TBCA: variants seen among roughly 807,000 people sequenced by gnomAD.
The protein encoded by TBCA is tubulin-specific chaperone A.
Under a neutral mutation model 15.8 loss-of-function variants are expected in TBCA, and 6 were observed. The observed-to-expected ratio is 0.38, with a 90% CI of 0.21 to 0.75. The LOEUF (loss-of-function observed/expected upper bound fraction) is 0.75, where lower values mean the gene tolerates loss of function less well. TBCA is among the 30% of genes least tolerant of loss of function. TBCA has a pLI of 0.46. For synonymous variants in TBCA, 32 were observed against 42.3 expected, an observed-to-expected ratio of 0.76 and a Z score of 0.94; for missense variants, 90 against 131.2, an observed-to-expected ratio of 0.69 and a Z score of 1.53.
At position 77,749,068 on chromosome 5, in the gene TBCA, G is replaced by A. The variant is rs141288062; in HGVS notation, c.53+27137C>T. Among the ~76,000 whole-genome samples, 937 of 152,188 alleles carry A rather than the reference G, an allele frequency of 6.2e-3. 4 individuals carry two copies. Among genetic ancestry groups the A allele is most frequent in the Non-Finnish European group, 8.4e-3 (568 of 67,996 alleles). ...GTCATGACTTTTCTCTGCTTCTTTG[G>A]GGCACTTTCAGCACCACTAGTGGGT... On this transcript the variant is annotated intron_variant, in intron 1 of 3. Transcript: ENST00000380377.
intron 1 of TBCA, among the ~76,000 whole-genome samples, chr5:77,721,561 T>C: frequency 6.6e-6 from 1 of 152,118 alleles, no homozygotes; most frequent in Non-Finnish European, 1.5e-5. Flanking sequence ...ATACACTGAT[T>C]TGGTATATGT....
At chr5:77,748,642 C>T (rs971070544) in intron 1 of TBCA, among the ~76,000 whole-genome samples, 1 of 152,080 alleles carries the variant, frequency 6.6e-6, no homozygotes, top group Non-Finnish European at 1.5e-5. Flanking sequence ...TTGGGCATTG[C>T]CACTTCTTGT....
chr5:77,749,448 T>A (rs995207653), intron 1 of TBCA, among the ~76,000 whole-genome samples: 9 of 152,282 alleles, frequency 5.9e-5, no homozygotes, highest in Admixed American at 4.6e-4. Context: ...TATTTTATGG[T>A]AGCAAATGAT....
At chr5:77,749,174 T>C (rs1747257384) in intron 1 of TBCA, among the ~76,000 whole-genome samples, 1 of 152,210 alleles carries the variant, frequency 6.6e-6, no homozygotes, top group Admixed American at 6.5e-5. Flanking sequence ...CCGCGAGAGA[T>C]CACTTTTTAA....
chr5:77,767,363 A>G (rs1275989724), intron 1 of TBCA, among the ~76,000 whole-genome samples: 1 of 152,172 alleles, frequency 6.6e-6, no homozygotes, highest in East Asian at 1.9e-4. Flanking sequence ...ACAACAGAGA[A>G]CTCAGTTAAA....
chr5:77,701,917 C>A (rs1329111871), intron 2 of TBCA, among the ~76,000 whole-genome samples: 1 of 151,554 alleles, frequency 6.6e-6, no homozygotes, highest in African/African-American at 2.4e-5. Flanking sequence ...GACTATTAGT[C>A]TAAGTGATGT....
At chr5:77,770,908 G>T (rs572503284) in intron 1 of TBCA, among the ~76,000 whole-genome samples, 1 of 152,206 alleles carries the variant, frequency 6.6e-6, no homozygotes, top group African/African-American at 2.4e-5. Context: ...GGCCACGGCA[G>T]GTGGATCACC....
At chr5:77,767,681 A>G (rs1346593926) in intron 1 of TBCA, among the ~76,000 whole-genome samples, 3 of 152,230 alleles carry the variant, frequency 2.0e-5, no homozygotes, top group Non-Finnish European at 4.4e-5. Context: ...CTCCCTCCAC[A>G]GACAATCAGT....
At chr5:77,753,319 T>A (rs557057342) in intron 1 of TBCA, among the ~76,000 whole-genome samples, 173 of 152,350 alleles carry the variant, frequency 1.1e-3, no homozygotes, top group Middle Eastern at 3.4e-3. Context: ...TTTCTTTAAG[T>A]CAATTGATTA....
At chr5:77,732,043 C>T (rs985482196) in intron 1 of TBCA, among the ~76,000 whole-genome samples, 1 of 152,008 alleles carries the variant, frequency 6.6e-6, no homozygotes, top group African/African-American at 2.4e-5. Context: ...CGTTGCTTTG[C>T]GGGATTATCT....
chr5:77,760,733 C>T (rs924439184), intron 1 of TBCA, among the ~76,000 whole-genome samples: 1 of 152,212 alleles, frequency 6.6e-6, no homozygotes, highest in Non-Finnish European at 1.5e-5. Context: ...CTCAATGTTG[C>T]CCAGGCTGGA....
At chr5:77,761,671 C>T (rs1331947899) in intron 1 of TBCA, among the ~76,000 whole-genome samples, 1 of 150,854 alleles carries the variant, frequency 6.6e-6, no homozygotes, top group Non-Finnish European at 1.5e-5. Context: ...GCAAGTAACA[C>T]GTTTTCAATT....
In TBCA at chr5:77,692,751, AT is replaced by A. The variant is rs1251457989; in HGVS notation, c.246+514del. 4 of 996,242 alleles carry A rather than the reference AT, an allele frequency of 4.0e-6. No homozygotes were observed. In the East Asian group the frequency reaches 4.4e-4, roughly 108 times the overall value. The allele number at this position is 996,242 out of a possible 1,614,324, so 61.7% of individuals were successfully genotyped here. A position where few individuals can be genotyped will look rare whatever the true frequency, so the allele number is the denominator to read the frequency against. ...TTATCTACCTTCTGTATCACAAGGCATTTATACCAGCAAGTATAAGTGTTAT... is the reference window on the plus strand; with the variant it reads ...TTATCTACCTTCTGTATCACAAGGCATTATACCAGCAAGTATAAGTGTTAT... On this transcript the variant is annotated intron_variant, in intron 3 of 3. Coordinates refer to ENST00000380377, the MANE Select transcript of TBCA (RefSeq NM_004607.3).
intron 1 of TBCA, 149 bp from the exon 2 acceptor site, chr5:77,708,496 G>A: frequency 1.9e-6 from 1 of 531,230 alleles, no homozygotes; most frequent in Non-Finnish European, 3.4e-6. Flanking sequence ...AAATAGTTTA[G>A]TCATAAATAT....
chr5:77,708,242 C>T lies in TBCA; in HGVS notation c.159G>A (p.Gln53=). Residue 53 remains glutamine (Q), a splice_region_variant and synonymous_variant, in exon 2 of 4, where the codon CAG becomes CAA. Transcript: ENST00000380377. ...EDGENYDIKK[Q]AEILQESRMM... is the part of the protein sequence containing the mutation. Reference sequence around the variant, plus strand: ...ATTGTTATTTATGATATAATTTTACCTGCTTTTTAATGTCATAATTTTCAC... The same window carrying T: ...ATTGTTATTTATGATATAATTTTACTTGCTTTTTAATGTCATAATTTTCAC... 1 of 1,589,152 alleles carries T rather than the reference C, an allele frequency of 6.3e-7. No homozygotes were observed. Among genetic ancestry groups the T allele is most frequent in the Non-Finnish European group, 8.6e-7 (1 of 1,163,450 alleles).
chr5:77,734,455 C>A (rs1746847406), intron 1 of TBCA, among the ~76,000 whole-genome samples: 1 of 152,066 alleles, frequency 6.6e-6, no homozygotes, highest in African/African-American at 2.4e-5. Context: ...TTGATTCTAA[C>A]CTGCACAGAT....
intron 1 of TBCA, among the ~76,000 whole-genome samples, chr5:77,748,742 A>C (rs1747246146): frequency 6.6e-6 from 1 of 152,162 alleles, no homozygotes; most frequent in Non-Finnish European, 1.5e-5. Context: ...CTCCCCAAAA[A>C]CTTTACTGAT....
At chr5:77,719,950 C>CT (rs1305966798) in intron 1 of TBCA, among the ~76,000 whole-genome samples, 1 of 152,114 alleles carries the variant, frequency 6.6e-6, no homozygotes, top group Non-Finnish European at 1.5e-5. Context: ...ACAAAACACT[C>CT]TGACAGTTTT....
intron 1 of TBCA, among the ~76,000 whole-genome samples, chr5:77,710,997 C>T (rs558899929): frequency 9.2e-4 from 140 of 152,206 alleles, no homozygotes; most frequent in Middle Eastern, 3.4e-3. Context: ...TAAAGAGAGG[C>T]CCATTCCATA....
Sources: gnomAD v4.1 joint callset for allele counts (sites outside exome capture counted in the v4.1 genomes callset) on GRCh38, gnomAD v4.1.1 for gene constraint, MANE v1.5 for transcripts, NCBI Gene and HGNC (gene_info 2026-07-23, HGNC 2026-07-21) for gene names.